Variants in AMPH observed in about 807,000 individuals in gnomAD.
AMPH encodes amphiphysin.
AMPH carries 49 observed loss-of-function variants against 99.1 expected under a neutral mutation model. The observed-to-expected ratio is 0.49, with a 90% CI of 0.39 to 0.63. The LOEUF (loss-of-function observed/expected upper bound fraction) is 0.63, where lower values mean the gene tolerates loss of function less well. Ranked by LOEUF, AMPH falls within the 20% of genes least tolerant of loss-of-function variation. The probability of loss-of-function intolerance (pLI) is 0.00; values close to 1 mark genes in which losing one functional copy is unlikely to be tolerated. For missense variants in AMPH, 759 were observed against 863.4 expected (o/e 0.88, Z 1.52); for synonymous variants, 314 against 317.3 (o/e 0.99, Z 0.11).
At chr7:38,477,061 A>G in intron 5 of AMPH, 92 bp from the exon 6 acceptor site, 1 of 1,059,604 alleles carries the variant, frequency 9.4e-7, no homozygotes, top group Non-Finnish European at 1.4e-6. Flanking sequence ...CCTTGGCCAG[A>G]GCTGCTGAGG....
chr7:38,620,916 C>A (rs1460173659), intron 1 of AMPH, among the ~76,000 whole-genome samples: 4 of 152,180 alleles, frequency 2.6e-5, no homozygotes, highest in Non-Finnish European at 5.9e-5. Flanking sequence ...GGGTAAAAAT[C>A]TGATCACACA....
intron 7 of AMPH, among the ~76,000 whole-genome samples, chr7:38,471,313 A>T (rs1240817142): frequency 6.6e-6 from 1 of 152,126 alleles, no homozygotes; most frequent in Non-Finnish European, 1.5e-5. Context: ...ATTTTACAAG[A>T]TTTACCTCAA....
chr7:38,463,400 T>G (rs112508689), intron 9 of AMPH, among the ~76,000 whole-genome samples: 3,402 of 152,258 alleles, frequency 0.022, 121 homozygotes, highest in African/African-American at 0.078. Context: ...AGGTTAAAAA[T>G]AAAAACTCTA....
At chr7:38,430,046 A>G in intron 13 of AMPH, 181 bp from the exon 14 acceptor site, 1 of 552,188 alleles carries the variant, frequency 1.8e-6, no homozygotes, top group Non-Finnish European at 3.1e-6. Context: ...GTTTAAGACC[A>G]CCATAGAAAA....
intron 1 of AMPH, among the ~76,000 whole-genome samples, chr7:38,539,239 C>G (rs761782147): frequency 3.9e-5 from 6 of 152,142 alleles, no homozygotes; most frequent in African/African-American, 4.8e-5. Context: ...ATTTAGGAAC[C>G]AGAAGGTTCC....
At position 38,384,107 on chromosome 7, in the gene AMPH, CTT is replaced by C. The variant is rs1475082090; in HGVS notation, c.*709_*710del. The C allele has an allele frequency of 1.3e-5, 2 of 152,316 alleles. No homozygotes were observed. The highest frequency in any genetic ancestry group is 4.8e-5 in the African/African-American group (2 of 41,446). 9.4% of individuals were successfully genotyped at this position (152,316 alleles called of 1,614,324 possible). Reference sequence around the variant, plus strand: ...AGTACAAACACAGATACTGTTGACTCTTTTGCCAATGGGATGGCTGGTTTTGC... The same window carrying C: ...AGTACAAACACAGATACTGTTGACTCTTGCCAATGGGATGGCTGGTTTTGC... On this transcript the variant is annotated 3_prime_UTR_variant, in exon 21 of 21. Transcript: ENST00000356264.
intron 1 of AMPH, among the ~76,000 whole-genome samples, chr7:38,616,566 A>T (rs553951331): frequency 6.6e-6 from 1 of 152,330 alleles, no homozygotes; most frequent in East Asian, 1.9e-4. Context: ...TATTCACCAT[A>T]GCCTAATACT....
At chr7:38,389,437 C>T (rs896246349) in intron 20 of AMPH, among the ~76,000 whole-genome samples, 22 of 152,260 alleles carry the variant, frequency 1.4e-4, no homozygotes, top group African/African-American at 5.1e-4. Flanking sequence ...AGAGGGTTCC[C>T]CAGGTTCTTT....
At chr7:38,586,400 G>A (rs1262037475) in intron 1 of AMPH, among the ~76,000 whole-genome samples, 1 of 152,122 alleles carries the variant, frequency 6.6e-6, no homozygotes, top group Non-Finnish European at 1.5e-5. Flanking sequence ...TAATAACATA[G>A]ATTCTTCTAC....
chr7:38,456,256 C>T (rs554657719), intron 11 of AMPH, among the ~76,000 whole-genome samples: 68 of 152,290 alleles, frequency 4.5e-4, no homozygotes, highest in African/African-American at 1.4e-3. Flanking sequence ...AGCTACCTCC[C>T]TACACTGCTC....
At chr7:38,572,748 G>C (rs1393350517) in intron 1 of AMPH, among the ~76,000 whole-genome samples, 1 of 152,142 alleles carries the variant, frequency 6.6e-6, no homozygotes, top group African/African-American at 2.4e-5. Flanking sequence ...CTGACCCTCT[G>C]GTCTCCCAGC....
At chr7:38,521,242 C>T (rs539593916) in intron 2 of AMPH, among the ~76,000 whole-genome samples, 5 of 152,174 alleles carry the variant, frequency 3.3e-5, no homozygotes, top group African/African-American at 1.2e-4. Context: ...ATGTGTGGGC[C>T]GGGTGTGGTG....
At chr7:38,406,719 T>TCCTC (rs200108617) in intron 17 of AMPH, among the ~76,000 whole-genome samples, 2 of 117,826 alleles carry the variant, frequency 1.7e-5, no homozygotes, top group African/African-American at 6.4e-5. Flanking sequence ...CTCTCCTCTC[T>TCCTC]CTCTCCCTTT....
At chr7:38,563,270 T>C (rs1266757807) in intron 1 of AMPH, among the ~76,000 whole-genome samples, 1 of 152,184 alleles carries the variant, frequency 6.6e-6, no homozygotes. Context: ...GAGAAGACTC[T>C]CTAAACCAAT....
intron 7 of AMPH, among the ~76,000 whole-genome samples, chr7:38,467,606 G>A (rs1787708030): frequency 6.6e-6 from 1 of 151,776 alleles, no homozygotes; most frequent in African/African-American, 2.4e-5. Flanking sequence ...GAAGCATCCA[G>A]AGGGGCTGCT....
chr7:38,525,295 G>T (rs1330041644), intron 2 of AMPH, among the ~76,000 whole-genome samples: 30 of 146,202 alleles, frequency 2.1e-4, no homozygotes, highest in Non-Finnish European at 3.1e-4. Context: ...GAGAGAGAGA[G>T]AGAGAGAGAG....
At chr7:38,465,422 T>G (rs1211174630) in intron 9 of AMPH, 45 bp downstream of exon 9, 2 of 1,518,228 alleles carry the variant, frequency 1.3e-6, no homozygotes, top group Admixed American at 4.0e-5. Context: ...TGAAGAAATT[T>G]TAGCAAGCAG....
intron 1 of AMPH, among the ~76,000 whole-genome samples, chr7:38,570,603 T>C (rs980723610): frequency 2.0e-5 from 3 of 152,004 alleles, no homozygotes; most frequent in Non-Finnish European, 4.4e-5. Flanking sequence ...GTCTTGCATA[T>C]GCAATTATGT....
intron 1 of AMPH, among the ~76,000 whole-genome samples, chr7:38,548,759 G>A (rs111423103): frequency 6.6e-6 from 1 of 152,350 alleles, no homozygotes; most frequent in Non-Finnish European, 1.5e-5. Flanking sequence ...GGGCACAAAA[G>A]ATTGGTTGGA....
Sources: allele counts gnomAD v4.1 joint callset (sites outside exome capture counted in the v4.1 genomes callset), GRCh38; gene constraint gnomAD v4.1.1; transcripts MANE v1.5; gene names NCBI Gene and HGNC (gene_info 2026-07-23, HGNC 2026-07-21).